The following MAGI2 variants were observed in gnomAD, a reference collection of about 807,000 sequenced individuals.
MAGI2 encodes membrane-associated guanylate kinase, WW and PDZ domain-containing protein 2.
Under a neutral mutation model 133.3 loss-of-function variants are expected in MAGI2, and 35 were observed. The ratio of observed to expected loss-of-function variants is 0.26; its 90% CI spans 0.20 to 0.35. The LOEUF is 0.35. Among genes scored for constraint, MAGI2 ranks in the 10% least tolerant of loss-of-function variants. The pLI is 1.00. For synonymous variants in MAGI2, 729 were observed against 710.6 expected (o/e 1.03, Z -0.41); for missense variants, 1,636 against 1,863.4 (o/e 0.88, Z 2.25).
intron 2 of MAGI2, among the ~76,000 whole-genome samples, chr7:78,860,298 C>T (rs769323929): frequency 7.2e-5 from 11 of 152,206 alleles, no homozygotes; most frequent in Non-Finnish European, 1.3e-4. Context: ...GGAGGAGCTG[C>T]ATTCCTTTGG....
At chr7:79,374,299 A>G (rs1843237869) in intron 1 of MAGI2, among the ~76,000 whole-genome samples, 1 of 150,314 alleles carries the variant, frequency 6.7e-6, no homozygotes, top group Non-Finnish European at 1.5e-5. Context: ...TAGCCTTATC[A>G]AAGGGGAAAT....
intron 1 of MAGI2, among the ~76,000 whole-genome samples, chr7:79,034,147 A>C (rs1342760318): frequency 6.6e-6 from 1 of 152,142 alleles, no homozygotes; most frequent in Non-Finnish European, 1.5e-5. Context: ...AGTTCTCCAA[A>C]AGAGTAATCT....
rs1191547927 is a variant in MAGI2, at chr7:79,232,278, G to A, written c.301+220742C>T. ...TCTTTTTTGGTTGTGTCTCTGCCAG[G>A]CTTTGGTATCAGAATGATGCTGGCC... On this transcript the variant is annotated intron_variant, in intron 1 of 21. Transcript: ENST00000354212. Among the ~76,000 whole-genome samples the A allele has an allele frequency of 9.7e-4, 145 of 148,818 alleles. 1 individual carries two copies. Among genetic ancestry groups the A allele is most frequent in the Non-Finnish European group, 1.7e-3 (117 of 67,096 alleles).
At chr7:78,135,501 C>T (rs1438956038) in intron 16 of MAGI2, among the ~76,000 whole-genome samples, 3 of 152,108 alleles carry the variant, frequency 2.0e-5, no homozygotes, top group East Asian at 1.9e-4. Flanking sequence ...TTGGGCCTTA[C>T]TGGGGACTGT....
At chr7:78,324,141 T>G (rs1217407028) in intron 9 of MAGI2, among the ~76,000 whole-genome samples, 1 of 130,044 alleles carries the variant, frequency 7.7e-6, no homozygotes, top group African/African-American at 3.0e-5. Flanking sequence ...TACACTACAC[T>G]ACACTACACT....
chr7:78,912,192 T>A (rs1798449473), intron 2 of MAGI2, among the ~76,000 whole-genome samples: 1 of 152,134 alleles, frequency 6.6e-6, no homozygotes, highest in African/African-American at 2.4e-5. Flanking sequence ...ATAAAATTGC[T>A]AGGAGCTGCC....
rs17150525 is a variant in MAGI2 at position 78,326,576 on chromosome 7, A to G, written c.1408+17202T>C. Among the ~76,000 whole-genome samples the G allele has an allele frequency of 0.013, 1,938 of 152,292 alleles. 117 individuals are homozygous for G. The East Asian group carries it at 0.18, about 14-fold the overall frequency. On this transcript the variant is annotated intron_variant, in intron 9 of 21. Transcript: ENST00000354212. ...TGCACATGCAACCTGTTTACTGAGG[A>G]AAATGGACTCGATCCCACTCATTTC... is the stretch of plus-strand genomic sequence containing the variant.
At chr7:78,510,681 A>G (rs1795487744) in intron 4 of MAGI2, among the ~76,000 whole-genome samples, 1 of 152,144 alleles carries the variant, frequency 6.6e-6, no homozygotes, top group Non-Finnish European at 1.5e-5. Context: ...TAAGTAATTT[A>G]AAGGAGGAAA....
At chr7:78,910,467 A>C (rs1368624112) in intron 2 of MAGI2, among the ~76,000 whole-genome samples, 1 of 152,156 alleles carries the variant, frequency 6.6e-6, no homozygotes, top group African/African-American at 2.4e-5. Context: ...GAAAATGAGT[A>C]AAGTTTATAT....
chr7:78,170,425 T>C (rs1826004023), intron 14 of MAGI2: 1 of 152,226 alleles, frequency 6.6e-6, no homozygotes, highest in East Asian at 1.9e-4. Flanking sequence ...TCTACCATAT[T>C]GCTGTGATAT....
intron 3 of MAGI2, among the ~76,000 whole-genome samples, chr7:78,545,788 CTGAT>C (rs1377946473): frequency 6.6e-6 from 1 of 152,038 alleles, no homozygotes; most frequent in African/African-American, 2.4e-5. Context: ...CAACATGAGA[CTGAT>C]TAACTGGAAT....
chr7:78,360,672 G>C (rs1792681763), intron 7 of MAGI2, among the ~76,000 whole-genome samples: 1 of 152,172 alleles, frequency 6.6e-6, no homozygotes, highest in Non-Finnish European at 1.5e-5. Flanking sequence ...GTGTTTTCTG[G>C]GTTGCCTAGC....
intron 1 of MAGI2, among the ~76,000 whole-genome samples, chr7:79,043,557 A>AG (rs1173602601): frequency 2.0e-5 from 3 of 150,802 alleles, no homozygotes; most frequent in South Asian, 4.2e-4. Context: ...AAAAAAAAAA[A>AG]AAAAAAAGAA....
chr7:78,134,061 C>T (rs1821843825), intron 17 of MAGI2: 1 of 152,246 alleles, frequency 6.6e-6, no homozygotes, highest in Non-Finnish European at 1.5e-5. Context: ...TTGGCAGCAT[C>T]CCTGGCCTCC....
chr7:78,034,478 A>G (rs772142364), intron 21 of MAGI2, among the ~76,000 whole-genome samples: 3 of 152,180 alleles, frequency 2.0e-5, no homozygotes, highest in Non-Finnish European at 2.9e-5. Flanking sequence ...AAGCACTTCC[A>G]GCTCTTGCCT....
At chr7:78,056,672 T>C (rs191378412) in intron 21 of MAGI2, among the ~76,000 whole-genome samples, 2 of 152,002 alleles carry the variant, frequency 1.3e-5, no homozygotes, top group Admixed American at 1.3e-4. Context: ...CTGTCAGGGC[T>C]TGGGGGGAAG....
intron 2 of MAGI2, among the ~76,000 whole-genome samples, chr7:78,827,887 T>C (rs113183303): frequency 0.019 from 2,939 of 152,184 alleles, 87 homozygotes; most frequent in African/African-American, 0.066. Flanking sequence ...CCACCTCTTA[T>C]TTTATTTTAT....
intron 2 of MAGI2, among the ~76,000 whole-genome samples, chr7:78,854,273 A>T (rs998098995): frequency 2.0e-5 from 3 of 152,154 alleles, no homozygotes; most frequent in Non-Finnish European, 4.4e-5. Context: ...CTTAAAAAGT[A>T]GTAGGTCAGT....
chr7:78,645,798 G>A (rs1286666774), intron 2 of MAGI2, among the ~76,000 whole-genome samples: 1 of 151,342 alleles, frequency 6.6e-6, no homozygotes, highest in Non-Finnish European at 1.5e-5. Context: ...GAGTGCAGTG[G>A]CATGATCTTG....
Sources: gnomAD v4.1 joint callset for allele counts (sites outside exome capture counted in the v4.1 genomes callset) on GRCh38, gnomAD v4.1.1 for gene constraint, MANE v1.5 for transcripts, NCBI Gene and HGNC (gene_info 2026-07-23, HGNC 2026-07-21) for gene names.